Variants in ITGA2 observed in about 807,000 individuals in gnomAD.
ITGA2 encodes the protein integrin alpha-2.
ITGA2 carries 101 observed loss-of-function variants against 146.3 expected under a neutral mutation model. That is an observed-to-expected ratio of 0.69 (90% confidence interval 0.59 to 0.81). ITGA2 has a LOEUF of 0.81. ITGA2 is among the 40% of genes least tolerant of loss of function. ITGA2 has a pLI of 0.00. For synonymous variants in ITGA2, 477 were observed against 487.1 expected (o/e 0.98, Z 0.27); for missense variants, 1,281 against 1,402.7 (o/e 0.91, Z 1.39).
rs1744583872 is a variant in ITGA2 at position 53,055,482 on chromosome 5, C to T, written c.780-56C>T. The T allele has an allele frequency of 3.3e-6, 5 of 1,521,614 alleles. No homozygotes were observed. The East Asian group carries it at 1.1e-4, about 34-fold the overall frequency. The allele number at this position is 1,521,614 out of a possible 1,614,324, so 94.3% of individuals were successfully genotyped here. ...ATGTTTCTATTTTAAACCAGAGGTT[C>T]TCATATTAACTTCATATTTTGATAG... is the stretch of plus-strand genomic sequence containing the variant. On this transcript the variant is annotated intron_variant, in intron 7 of 29. Transcript: ENST00000296585.
chr5:53,061,330 T>C (rs1411847264), intron 12 of ITGA2, among the ~76,000 whole-genome samples: 1 of 151,912 alleles, frequency 6.6e-6, no homozygotes, highest in Non-Finnish European at 1.5e-5. Context: ...TCAGAGGCTG[T>C]CCTGAATGAT....
chr5:53,055,434 T>G, intron 7 of ITGA2, 104 bp from the exon 8 acceptor site: 2 of 957,474 alleles, frequency 2.1e-6, no homozygotes, highest in Non-Finnish European at 3.3e-6. Context: ...TTACAATAGA[T>G]TGTGTTTAAA....
Position 53,090,639 on chromosome 5 carries a change from A to C in ITGA2, c.*40A>C. ...CTGCAGTGGGAACCGGCAGCATCCC[A>C]GCCAGGGTTTGCTGTTTGCGTGAAT... On this transcript the variant is annotated 3_prime_UTR_variant, in exon 30 of 30. Transcript: ENST00000296585. 2 of 1,522,208 alleles carry C rather than the reference A, an allele frequency of 1.3e-6. No homozygotes were observed. Among genetic ancestry groups the C allele is most frequent in the South Asian group, 2.2e-5 (2 of 89,328 alleles). The allele number at this position is 1,522,208 out of a possible 1,614,324, so 94.3% of individuals were successfully genotyped here. A position where few individuals can be genotyped will look rare whatever the true frequency, so the allele number is the denominator to read the frequency against.
rs780349727 is a variant in ITGA2 at position 53,048,455 on chromosome 5, C to A, written c.480C>A (p.Ala160=). ...TCAGTCCTGATTTTCAGCTCTCAGC[C>A]AGCTTCTCACCTGCAACTCAGCGTA... ...SDISPDFQLS[A]SFSPATQPCP... The change falls in exon 5 of 30, where the codon GCC becomes GCA. Residue 160 remains alanine, a synonymous_variant. Coordinates refer to ENST00000296585, the MANE Select transcript of ITGA2 (RefSeq NM_002203.4). 3.7e-6 allele frequency: 6 copies of A among 1,613,986 alleles called. No homozygotes were observed. In the African/African-American group the frequency reaches 6.7e-5, roughly 18 times the overall value.
intron 13 of ITGA2, among the ~76,000 whole-genome samples, chr5:53,063,749 C>T (rs1295329818): frequency 1.3e-5 from 2 of 151,766 alleles, no homozygotes; most frequent in Non-Finnish European, 2.9e-5. Flanking sequence ...TTAATTAAAA[C>T]AATTCTAAAG....
chr5:53,077,837 C>T (rs1745731764), intron 23 of ITGA2, among the ~76,000 whole-genome samples: 1 of 151,948 alleles, frequency 6.6e-6, no homozygotes, highest in African/African-American at 2.4e-5. Context: ...AGAAAATATC[C>T]ACCCCAAGTT....
chr5:53,075,278 G>A lies in ITGA2; in HGVS notation c.2799G>A (p.Leu933=). 6.2e-7 allele frequency: 1 copy of A among 1,612,634 alleles called. No individual in the cohort carries two copies. The change falls in exon 23 of 30, where the codon CTG becomes CTA. Residue 933 remains leucine (L), a synonymous_variant. Transcript: ENST00000296585. ...TGGTCAACCTCAAAATTCCTCTCCT[G>A]TATGATGCTGAAATTCACTTAACAA... The part of the protein sequence containing the change: ...DNLVNLKIPL[L]YDAEIHLTRS...
At chr5:53,054,526 T>C (rs1561126974) in intron 7 of ITGA2, among the ~76,000 whole-genome samples, 1 of 152,152 alleles carries the variant, frequency 6.6e-6, no homozygotes, top group Non-Finnish European at 1.5e-5. Flanking sequence ...CAGGGATATT[T>C]ATTACAGCCT....
intron 1 of ITGA2, among the ~76,000 whole-genome samples, chr5:52,993,601 C>G (rs1579767170): frequency 6.6e-6 from 1 of 152,242 alleles, no homozygotes; most frequent in East Asian, 1.9e-4. Context: ...GATGACTACT[C>G]CCTGTCTTCA....
chr5:53,060,370 G>T (rs112174038), intron 11 of ITGA2, among the ~76,000 whole-genome samples: 6 of 152,004 alleles, frequency 3.9e-5, no homozygotes, highest in African/African-American at 1.2e-4. Flanking sequence ...CACTGATTTT[G>T]CAGACTTACT....
intron 2 of ITGA2, among the ~76,000 whole-genome samples, chr5:53,028,028 C>A (rs1452830594): frequency 2.0e-5 from 3 of 151,994 alleles, no homozygotes; most frequent in Non-Finnish European, 2.9e-5. Context: ...CTGCAGTGAC[C>A]TATGTTGGCA....
In ITGA2 at chr5:53,075,259, A is replaced by G. The variant is rs2287870; in HGVS notation, c.2780A>G (p.Asn927Ser). 1.2e-3 allele frequency: 1,944 copies of G among 1,612,786 alleles called. 46 individuals carry two copies. In the East Asian group the frequency reaches 0.039, roughly 33 times the overall value. The change falls in exon 23 of 30, where the codon AAC becomes AGC. Residue 927 changes from asparagine (N) to serine (S), a missense_variant. Transcript: ENST00000296585. ...GAAAACAAGGCTGATAATTTGGTCA[A>G]CCTCAAAATTCCTCTCCTGTATGAT... ...QEENKADNLV[N>S]LKIPLLYDAE...
At chr5:53,050,875 A>C (rs1440678160) in intron 6 of ITGA2, among the ~76,000 whole-genome samples, 1 of 152,188 alleles carries the variant, frequency 6.6e-6, no homozygotes, top group South Asian at 2.1e-4. Context: ...GAAGCCCATA[A>C]TAGAGGAAAT....
At chr5:53,042,252 AT>A in intron 3 of ITGA2, 31 bp downstream of exon 3, 2 of 1,301,030 alleles carry the variant, frequency 1.5e-6, no homozygotes, top group Non-Finnish European at 2.2e-6. Context: ...AAGGCATGTG[AT>A]TTGTCTTAGA....
At chr5:53,053,537 G>A (rs1277073939) in intron 7 of ITGA2, among the ~76,000 whole-genome samples, 1 of 152,080 alleles carries the variant, frequency 6.6e-6, no homozygotes, top group Non-Finnish European at 1.5e-5. Context: ...TCCCTGGAAG[G>A]AGCCTGGGGC....
Position 53,078,875 on chromosome 5 carries a change from G to T in ITGA2, c.2928+1G>T, listed in dbSNP as rs1168214356. 4.5e-6 allele frequency: 7 copies of T among 1,570,824 alleles called. No individual in the cohort carries two copies. The highest frequency in any genetic ancestry group is 6.1e-6 in the Non-Finnish European group (7 of 1,141,554). On this transcript the variant is annotated splice_donor_variant, in intron 24 of 29. Coordinates refer to ENST00000296585, the MANE Select transcript of ITGA2 (RefSeq NM_002203.4). LOFTEE classifies it high-confidence loss of function. ...TCCAAAATTCATCTTCTCCCTGAAG[G>T]TTGGTAAGCCTGTCATAAGGATGGC...
intron 1 of ITGA2, among the ~76,000 whole-genome samples, chr5:53,018,575 G>C (rs1742513360): frequency 1.3e-5 from 2 of 151,972 alleles, no homozygotes; most frequent in South Asian, 4.2e-4. Context: ...GTGTGTGCCA[G>C]CCTTCCCAAT....
At chr5:53,059,257 A>G (rs536169350) in intron 10 of ITGA2, among the ~76,000 whole-genome samples, 1 of 151,900 alleles carries the variant, frequency 6.6e-6, no homozygotes, top group South Asian at 2.1e-4. Flanking sequence ...TTTCCTTCCA[A>G]TAGATTGAAT....
intron 16 of ITGA2, 106 bp downstream of exon 16, chr5:53,067,363 G>C: frequency 2.4e-6 from 3 of 1,225,442 alleles, no homozygotes; most frequent in Non-Finnish European, 3.5e-6. Flanking sequence ...AAGGGTTTTA[G>C]TTATAGACAC....
Sources: gnomAD v4.1 joint callset for allele counts (sites outside exome capture counted in the v4.1 genomes callset) on GRCh38, gnomAD v4.1.1 for gene constraint, MANE v1.5 for transcripts, NCBI Gene and HGNC (gene_info 2026-07-23, HGNC 2026-07-21) for gene names.